The following PCDHA7 variants were observed in gnomAD, a reference collection of about 807,000 sequenced individuals.
The protein encoded by PCDHA7 is protocadherin alpha-7.
In PCDHA7, 37 loss-of-function variants were observed where a neutral mutation model predicts 57.2. The ratio of observed to expected loss-of-function variants is 0.65; its 90% CI spans 0.50 to 0.85. The LOEUF (loss-of-function observed/expected upper bound fraction) is 0.85. PCDHA7 is among the 40% of genes least tolerant of loss of function. The pLI is 0.00. For synonymous variants in PCDHA7, 553 were observed against 558.8 expected, an observed-to-expected ratio of 0.99 and a Z score of 0.15; for missense variants, 1,188 against 1,241.8, an observed-to-expected ratio of 0.96 and a Z score of 0.65.
intron 1 of PCDHA7, among the ~76,000 whole-genome samples, chr5:140,934,619 C>G (rs1403192448): frequency 1.3e-5 from 2 of 152,028 alleles, no homozygotes; most frequent in Non-Finnish European, 2.9e-5. Flanking sequence ...GCCTGAGGTA[C>G]AGTTCACACA....
At chr5:140,841,138 C>T (rs2150311495) in intron 1 of PCDHA7, 1 of 713,754 alleles carries the variant, frequency 1.4e-6, no homozygotes, top group Non-Finnish European at 2.3e-6. Context: ...TTTGAAGCCA[C>T]ATGATGTCGC....
chr5:140,877,023 G>A (rs1554169254), intron 1 of PCDHA7: 2 of 1,612,456 alleles, frequency 1.2e-6, no homozygotes, highest in Non-Finnish European at 1.7e-6. Flanking sequence ...GCGGCAAGGT[G>A]TACGCGCTGC....
intron 1 of PCDHA7, among the ~76,000 whole-genome samples, chr5:140,950,542 A>G (rs1332265340): frequency 1.3e-5 from 2 of 152,014 alleles, no homozygotes; most frequent in Non-Finnish European, 2.9e-5. Flanking sequence ...TTGCTCTTGC[A>G]TGGCTGGGGG....
chr5:140,917,329 G>T lies in PCDHA7; in HGVS notation c.2356-61620G>T, dbSNP rs543216216. Among the ~76,000 whole-genome samples the T allele has an allele frequency of 4.9e-5, 7 of 143,930 alleles. 1 individual carries two copies. The highest frequency in any genetic ancestry group is 1.6e-4 in the African/African-American group (6 of 37,952). The allele number at this position is 143,930 out of a possible 152,430, so 94.4% of individuals were successfully genotyped here. A position where few individuals can be genotyped will look rare whatever the true frequency, so the allele number is the denominator to read the frequency against. ...ACAATTTGGTGTTCATGTGGCGGGG[G>T]AGGGGGGGGATGGTGTAGGCTTCTG... On this transcript the variant is annotated intron_variant, in intron 1 of 3. Coordinates refer to ENST00000525929, the MANE Select transcript of PCDHA7 (RefSeq NM_018910.3).
chr5:140,883,231 G>A, intron 1 of PCDHA7: 1 of 1,613,930 alleles, frequency 6.2e-7, no homozygotes, highest in Non-Finnish European at 8.5e-7. Context: ...TATCCGTGGA[G>A]GCAGTTGACA....
chr5:140,957,983 AG>A (rs1554223250), intron 1 of PCDHA7, among the ~76,000 whole-genome samples: 1 of 152,154 alleles, frequency 6.6e-6, no homozygotes, highest in Non-Finnish European at 1.5e-5. Flanking sequence ...AAATAGAATC[AG>A]TGCCAGATTT....
rs1554214040 is a variant in PCDHA7, at chr5:140,941,214, C to CCTTCCTTTCTTTCTTTCTTTCTTTCTTT, written c.2356-37732_2356-37731insCCTTTCTTTCTTTCTTTCTTTCTTTCTT. Reference sequence around the variant, plus strand: ...TTTTTTCTTTCTTCCTTTCTTTCTTCCTTTCTTTCTTTCTTTCTTTCTTTC... The same window carrying CCTTCCTTTCTTTCTTTCTTTCTTTCTTT: ...TTTTTTCTTTCTTCCTTTCTTTCTTCCTTCCTTTCTTTCTTTCTTTCTTTCTTTCTTTCTTTCTTTCTTTCTTTCTTTC... On this transcript the variant is annotated intron_variant, in intron 1 of 3. Transcript: ENST00000525929. Among the ~76,000 whole-genome samples, 25 of 122,492 alleles carry CCTTCCTTTCTTTCTTTCTTTCTTTCTTT rather than the reference C, an allele frequency of 2.0e-4. 1 individual carries two copies. Among genetic ancestry groups the CCTTCCTTTCTTTCTTTCTTTCTTTCTTT allele is most frequent in the East Asian group, 4.6e-4 (2 of 4,322 alleles). The allele number at this position is 122,492 out of a possible 152,430, so 80.4% of individuals were successfully genotyped here.
chr5:141,009,942 C>T lies in PCDHA7; in HGVS notation c.*5C>T, dbSNP rs782819309. The T allele has an allele frequency of 6.3e-7, 1 of 1,597,438 alleles. No individual in the cohort carries two copies. The highest frequency in any genetic ancestry group is 1.1e-5 in the South Asian group (1 of 87,840). ...ACTGACAACAGTGACCAGTGAGGTCCTCAAATGGAAACAAGCCACTTAGCC... is the reference window on the plus strand; with the variant it reads ...ACTGACAACAGTGACCAGTGAGGTCTTCAAATGGAAACAAGCCACTTAGCC... On this transcript the variant is annotated 3_prime_UTR_variant, in exon 4 of 4. Coordinates refer to ENST00000525929, the MANE Select transcript of PCDHA7 (RefSeq NM_018910.3).
At chr5:140,944,226 C>T (rs988249626) in intron 1 of PCDHA7, among the ~76,000 whole-genome samples, 3 of 152,126 alleles carry the variant, frequency 2.0e-5, no homozygotes, top group Admixed American at 2.0e-4. Flanking sequence ...TTTACTCTGT[C>T]GCTCAGGCTG....
chr5:140,916,003 A>G (rs971043760), intron 1 of PCDHA7, among the ~76,000 whole-genome samples: 1 of 152,146 alleles, frequency 6.6e-6, no homozygotes, highest in Non-Finnish European at 1.5e-5. Context: ...CACTCAAACC[A>G]CAAGACAAAG....
intron 1 of PCDHA7, chr5:140,843,324 C>A: frequency 6.3e-7 from 1 of 1,596,010 alleles, no homozygotes; most frequent in Middle Eastern, 1.7e-4. Flanking sequence ...GTTCTGGTGT[C>A]GCTGGTGGAG....
At chr5:140,913,970 T>C (rs2076541614) in intron 1 of PCDHA7, among the ~76,000 whole-genome samples, 1 of 152,144 alleles carries the variant, frequency 6.6e-6, no homozygotes. Context: ...TAAAAAAATA[T>C]TTTAGGACTT....
chr5:140,943,522 G>T (rs2093513187), intron 1 of PCDHA7, among the ~76,000 whole-genome samples: 1 of 152,144 alleles, frequency 6.6e-6, no homozygotes, highest in Non-Finnish European at 1.5e-5. Flanking sequence ...GTTGAGTTCA[G>T]TATGCAAAAT....
intron 1 of PCDHA7, among the ~76,000 whole-genome samples, chr5:140,957,190 A>G (rs2153712685): frequency 6.6e-6 from 1 of 152,294 alleles, no homozygotes; most frequent in South Asian, 2.1e-4. Context: ...TTGATGACCG[A>G]TTGGGAATAT....
At chr5:140,845,629 A>G (rs1437329229) in intron 1 of PCDHA7, among the ~76,000 whole-genome samples, 1 of 149,600 alleles carries the variant, frequency 6.7e-6, no homozygotes, top group East Asian at 1.9e-4. Flanking sequence ...GAAGCTCTCT[A>G]AATCAAGTCC....
At chr5:140,964,509 C>T (rs552530683) in intron 1 of PCDHA7, among the ~76,000 whole-genome samples, 1 of 152,258 alleles carries the variant, frequency 6.6e-6, no homozygotes, top group Non-Finnish European at 1.5e-5. Flanking sequence ...GGTCAATACC[C>T]AGTGGCCAGG....
At chr5:140,962,673 C>T (rs1409804701) in intron 1 of PCDHA7, among the ~76,000 whole-genome samples, 2 of 152,164 alleles carry the variant, frequency 1.3e-5, no homozygotes, top group African/African-American at 4.8e-5. Flanking sequence ...TTCCCATCCA[C>T]TGGATGTTTT....
intron 3 of PCDHA7, among the ~76,000 whole-genome samples, chr5:140,995,316 A>G (rs2097676169): frequency 1.3e-5 from 2 of 152,222 alleles, no homozygotes; most frequent in South Asian, 4.1e-4. Context: ...TTCTAAGTGA[A>G]CTAACAGGTG....
In PCDHA7 at chr5:140,885,617, T is replaced by C. The variant is rs182455292; in HGVS notation, c.2355+48879T>C. Among the ~76,000 whole-genome samples, 20 of 152,288 alleles carry C rather than the reference T, an allele frequency of 1.3e-4. No individual in the cohort carries two copies. The East Asian group carries it at 3.7e-3, about 28-fold the overall frequency. The stretch of plus-strand genomic sequence containing the variant: ...GATATTAATAATTTTAATTATAAAA[T>C]ATGTCACTGGATTGCCTTCCAAGTA... On this transcript the variant is annotated intron_variant, in intron 1 of 3. Coordinates refer to ENST00000525929, the MANE Select transcript of PCDHA7 (RefSeq NM_018910.3).
Sources: allele counts gnomAD v4.1 joint callset (sites outside exome capture counted in the v4.1 genomes callset), GRCh38; gene constraint gnomAD v4.1.1; transcripts MANE v1.5; gene names NCBI Gene and HGNC (gene_info 2026-07-23, HGNC 2026-07-21).